The following DYNC2I1 variants were observed in gnomAD, a reference collection of about 807,000 sequenced individuals.
DYNC2I1 encodes the protein dynein 2 intermediate chain 1, also known as cytoplasmic dynein 2 intermediate chain 1.
In DYNC2I1, 89 loss-of-function variants were observed where a neutral mutation model predicts 133.4. The ratio of observed to expected loss-of-function variants is 0.67; its 90% CI spans 0.56 to 0.80. DYNC2I1 has a LOEUF of 0.80. Ranked by LOEUF, DYNC2I1 falls within the 30% of genes least tolerant of loss-of-function variation. The pLI, the probability that DYNC2I1 is intolerant of heterozygous loss-of-function variation, is 0.00. For synonymous variants in DYNC2I1, 504 were observed against 484.3 expected (o/e 1.04, Z -0.54); for missense variants, 1,291 against 1,314.5 (o/e 0.98, Z 0.28).
intron 4 of DYNC2I1, among the ~76,000 whole-genome samples, chr7:158,955,608 A>G (rs1193775218): frequency 2.0e-5 from 3 of 152,214 alleles, no homozygotes; most frequent in Non-Finnish European, 4.4e-5. Flanking sequence ...GGAGACACCC[A>G]GCGCTAACAT....
intron 24 of DYNC2I1, among the ~76,000 whole-genome samples, chr7:158,942,825 C>T (rs368644457): frequency 5.3e-5 from 8 of 152,286 alleles, no homozygotes; most frequent in African/African-American, 1.4e-4. Context: ...ATGGCTGGGG[C>T]GTGCATGTCA....
intron 15 of DYNC2I1, among the ~76,000 whole-genome samples, chr7:158,920,215 G>A (rs1423784078): frequency 2.7e-5 from 4 of 150,880 alleles, no homozygotes; most frequent in African/African-American, 9.8e-5. Flanking sequence ...AAGTGTGTGC[G>A]CATACTGCAG....
At chr7:158,955,201 CT>C (rs1339747991) in intron 4 of DYNC2I1, among the ~76,000 whole-genome samples, 1 of 152,240 alleles carries the variant, frequency 6.6e-6, no homozygotes, top group Admixed American at 6.5e-5. Flanking sequence ...GGACTTAACA[CT>C]TTACTCTCTG....
At chr7:158,930,031 T>A (rs1850061858) in intron 20 of DYNC2I1, among the ~76,000 whole-genome samples, 1 of 152,134 alleles carries the variant, frequency 6.6e-6, no homozygotes, top group Admixed American at 6.5e-5. Context: ...TTTCTGAGTC[T>A]CTGGGATGGT....
At chr7:158,884,154 C>T (rs1468064444) in intron 5 of DYNC2I1, among the ~76,000 whole-genome samples, 2 of 151,432 alleles carry the variant, frequency 1.3e-5, no homozygotes, top group African/African-American at 2.4e-5. Flanking sequence ...ACGCCATTCT[C>T]CTGCCTCAGC....
Position 158,856,608 on chromosome 7 carries a change from C to T in DYNC2I1, c.-128C>T, listed in dbSNP as rs1026016772. The T allele has an allele frequency of 1.0e-6, 1 of 997,976 alleles. No homozygotes were observed. Among genetic ancestry groups the T allele is most frequent in the Non-Finnish European group, 1.3e-6 (1 of 775,626 alleles). The allele number at this position is 997,976 out of a possible 1,614,324, so 61.8% of individuals were successfully genotyped here. A position where few individuals can be genotyped will look rare whatever the true frequency, so the allele number is the denominator to read the frequency against. On this transcript the variant is annotated 5_prime_UTR_variant, in exon 1 of 25. Coordinates refer to ENST00000407559, the MANE Select transcript of DYNC2I1 (RefSeq NM_018051.5). ...CAGTGCTTCTGGGCCCTCTGCTGCT[C>T]CTGCTTGTCGGTTGCTAGGCGCTGG... is the stretch of plus-strand genomic sequence containing the variant.
At chr7:158,952,659 C>T (rs543693350) in intron 4 of DYNC2I1, among the ~76,000 whole-genome samples, 11 of 151,852 alleles carry the variant, frequency 7.2e-5, no homozygotes, top group East Asian at 1.9e-4. Flanking sequence ...AGACAGAATC[C>T]GCACCTTCAT....
At chr7:158,936,813 A>G (rs1404168775) in intron 23 of DYNC2I1, among the ~76,000 whole-genome samples, 1 of 152,238 alleles carries the variant, frequency 6.6e-6, no homozygotes, top group African/African-American at 2.4e-5. Context: ...GCCTCCCTCA[A>G]TCACTAAATA....
chr7:158,849,780 C>T, the DYNC2I1 span, among the ~76,000 whole-genome samples: 2 of 152,342 alleles, frequency 1.3e-5, no homozygotes, highest in East Asian at 3.9e-4. Context: ...TCTCCTCTGG[C>T]TGTCCTCTGC....
chr7:158,938,005 AATT>A (rs1427810715), intron 23 of DYNC2I1, among the ~76,000 whole-genome samples: 1 of 152,228 alleles, frequency 6.6e-6, no homozygotes, highest in Non-Finnish European at 1.5e-5. Flanking sequence ...CAAATCTAAG[AATT>A]ATTGGTATTC....
chr7:158,921,188 C>T lies in DYNC2I1; in HGVS notation c.1922-1189C>T, dbSNP rs375924704. On this transcript the variant is annotated intron_variant, in intron 15 of 24. Coordinates refer to ENST00000407559, the MANE Select transcript of DYNC2I1 (RefSeq NM_018051.5). ...TAAAGACAGTTCTGATAGAGGAGGC[C>T]TCACTGTGAGTGAAAACCGGACGGA... 5.0e-4 allele frequency among the ~76,000 whole-genome samples: 76 copies of T among 152,234 alleles called. No homozygotes were observed. The Middle Eastern group carries it at 0.017, about 34-fold the overall frequency.
intron 15 of DYNC2I1, 40 bp downstream of exon 15, chr7:158,918,909 C>G: frequency 6.3e-7 from 1 of 1,589,484 alleles, no homozygotes. Flanking sequence ...AATCCAGTGA[C>G]TAAACATTCA....
intron 20 of DYNC2I1, among the ~76,000 whole-genome samples, chr7:158,929,596 C>A (rs1850005675): frequency 6.6e-6 from 1 of 152,236 alleles, no homozygotes. Context: ...TGGCGTTGAC[C>A]CTTCTTCACT....
chr7:158,871,840 A>C (rs1435566306), intron 3 of DYNC2I1, among the ~76,000 whole-genome samples: 1 of 151,998 alleles, frequency 6.6e-6, no homozygotes, highest in African/African-American at 2.4e-5. Context: ...AGCTGGCTCT[A>C]TTTCTTTTAA....
intron 4 of DYNC2I1, among the ~76,000 whole-genome samples, chr7:158,951,344 A>T (rs1852047113): frequency 6.6e-6 from 1 of 152,210 alleles, no homozygotes; most frequent in African/African-American, 2.4e-5. Context: ...CACAGCTGGG[A>T]TCCTGGCAGG....
chr7:158,881,651 C>T (rs1183726305), intron 5 of DYNC2I1, among the ~76,000 whole-genome samples: 2 of 152,060 alleles, frequency 1.3e-5, no homozygotes, highest in African/African-American at 2.4e-5. Context: ...GACGGGGTTT[C>T]ACCGTGTTAG....
chr7:158,916,138 C>T (rs62476502), intron 14 of DYNC2I1, among the ~76,000 whole-genome samples: 1 of 83,014 alleles, frequency 1.2e-5, no homozygotes, highest in South Asian at 3.3e-4. Context: ...TGTGAAACGT[C>T]GACATGGTGG....
chr7:158,939,357 G>C (rs888191100), intron 23 of DYNC2I1, among the ~76,000 whole-genome samples: 4 of 152,110 alleles, frequency 2.6e-5, no homozygotes, highest in African/African-American at 4.8e-5. Flanking sequence ...GATGAGGGAA[G>C]GTTGATTGAG....
intron 14 of DYNC2I1, among the ~76,000 whole-genome samples, chr7:158,915,554 T>G (rs1848056287): frequency 6.6e-6 from 1 of 152,002 alleles, no homozygotes; most frequent in African/African-American, 2.4e-5. Context: ...GTGGTTGAGA[T>G]TAAGGATGAT....
Sources: allele counts gnomAD v4.1 joint callset (sites outside exome capture counted in the v4.1 genomes callset), GRCh38; gene constraint gnomAD v4.1.1; transcripts MANE v1.5; gene names NCBI Gene and HGNC (gene_info 2026-07-23, HGNC 2026-07-21).